KLHDC4: variants seen among roughly 807,000 people sequenced by gnomAD.
KLHDC4 encodes the protein kelch domain containing 4.
A neutral mutation model predicts 62.4 loss-of-function variants in KLHDC4; 90 were observed. The ratio of observed to expected loss-of-function variants is 1.44; its 90% CI spans 1.22 to 1.72. The LOEUF (loss-of-function observed/expected upper bound fraction) is 1.72, where lower values mean the gene tolerates loss of function less well. Among genes scored for constraint, KLHDC4 ranks in the 40% most tolerant of loss-of-function variants. The pLI is 0.00. For missense variants in KLHDC4, 1,025 were observed against 699.7 expected (o/e 1.47, Z -5.25); for synonymous variants, 386 against 284.4 (o/e 1.36, Z -3.59).
At position 87,711,972 on chromosome 16, in the gene KLHDC4, C is replaced by T. The variant is rs534954461; in HGVS notation, c.836-529G>A. Among the ~76,000 whole-genome samples the T allele has an allele frequency of 8.1e-4, 122 of 150,266 alleles. 1 individual carries two copies. Among genetic ancestry groups the T allele is most frequent in the African/African-American group, 2.8e-3 (111 of 40,310 alleles). ...CCCTCCGCCCTGCAAGGGGACCCTT[C>T]GCCCAGGGGGCTGAATGCCTGTGCC... On this transcript the variant is annotated intron_variant, in intron 8 of 11. Transcript: ENST00000270583.
chr16:87,744,241 C>A (rs913517709), intron 5 of KLHDC4, among the ~76,000 whole-genome samples: 1 of 152,030 alleles, frequency 6.6e-6, no homozygotes, highest in East Asian at 1.9e-4. Context: ...CGTGAAGAAA[C>A]CCCATCTCTA....
At chr16:87,718,353 CCTCCCTCTCCCTCCACAGTCTCCCT>C (rs2037482636) in intron 7 of KLHDC4, among the ~76,000 whole-genome samples, 2 of 100,202 alleles carry the variant, frequency 2.0e-5, no homozygotes, top group African/African-American at 7.5e-5. Flanking sequence ...TCCCCCTCCC[CCTCCCTCTCCCTCCACAGTCTCCCT>C]CTCCCTCTCC....
Position 87,711,376 on chromosome 16 carries a change from C to T in KLHDC4, c.903G>A (p.Val301=), listed in dbSNP as rs140023660. The change falls in exon 9 of 12, where the codon GTG becomes GTA. Residue 301 remains valine, a synonymous_variant. Coordinates refer to ENST00000270583, the MANE Select transcript of KLHDC4 (RefSeq NM_017566.4). ...VKPTPRSGFS[V]AMAPNHQTLF... ...GTGTCTGGTGATTCGGGGCCATGGCCACGGAAAAGCCAGACCGTGGGGTGG... is the reference window on the plus strand; with the variant it reads ...GTGTCTGGTGATTCGGGGCCATGGCTACGGAAAAGCCAGACCGTGGGGTGG... 6.2e-7 allele frequency: 1 copy of T among 1,613,834 alleles called. No individual in the cohort carries two copies. Among genetic ancestry groups the T allele is most frequent in the African/African-American group, 1.3e-5 (1 of 75,046 alleles).
At chr16:87,764,142 G>A (rs1243106025) in intron 1 of KLHDC4, among the ~76,000 whole-genome samples, 2 of 152,332 alleles carry the variant, frequency 1.3e-5, no homozygotes, top group African/African-American at 4.8e-5. Flanking sequence ...CTTGTGATTA[G>A]GTTGTATTAC....
chr16:87,751,612 A>T (rs888054709), intron 4 of KLHDC4, among the ~76,000 whole-genome samples: 1 of 152,182 alleles, frequency 6.6e-6, no homozygotes, highest in Admixed American at 6.5e-5. Context: ...TACACCTTAC[A>T]TAATCAGTCC....
chr16:87,748,104 G>C (rs763933501), intron 5 of KLHDC4, among the ~76,000 whole-genome samples: 19 of 152,210 alleles, frequency 1.2e-4, no homozygotes, highest in African/African-American at 2.4e-4. Flanking sequence ...TACACGGAGA[G>C]ACAAACATGT....
intron 6 of KLHDC4, among the ~76,000 whole-genome samples, 178 bp downstream of exon 6, chr16:87,730,374 T>A (rs545721131): frequency 7.0e-4 from 106 of 152,320 alleles, no homozygotes; most frequent in Non-Finnish European, 1.2e-3. Flanking sequence ...ATGAAGCCAG[T>A]GTGAGGCCCG....
At chr16:87,751,882 G>A (rs1283710086) in intron 4 of KLHDC4, among the ~76,000 whole-genome samples, 2 of 148,918 alleles carry the variant, frequency 1.3e-5, no homozygotes, top group South Asian at 2.1e-4. Flanking sequence ...GACCATCCTG[G>A]CTAACATGGT....
intron 4 of KLHDC4, chr16:87,750,866 A>G (rs2043822163): frequency 6.6e-6 from 1 of 152,284 alleles, no homozygotes; most frequent in Admixed American, 6.5e-5. Context: ...CTCAGCACAG[A>G]GGACTTACCT....
intron 2 of KLHDC4, among the ~76,000 whole-genome samples, chr16:87,761,231 G>A (rs2045849342): frequency 1.3e-5 from 2 of 152,168 alleles, no homozygotes; most frequent in Admixed American, 6.6e-5. Context: ...CCACCTCTGG[G>A]CAGGTGATGA....
At chr16:87,711,001 T>G in intron 9 of KLHDC4, 1 of 533,068 alleles carries the variant, frequency 1.9e-6, no homozygotes, top group Non-Finnish European at 3.4e-6. Context: ...CCAGGGCAAC[T>G]GGCTTCTGAG....
intron 7 of KLHDC4, among the ~76,000 whole-genome samples, chr16:87,718,628 G>A (rs1038168260): frequency 2.0e-5 from 3 of 151,936 alleles, no homozygotes; most frequent in African/African-American, 7.3e-5. Context: ...TGAGATTGCA[G>A]CCTCTGCCCG....
chr16:87,736,922 C>A (rs898650279), intron 5 of KLHDC4, among the ~76,000 whole-genome samples: 1 of 151,350 alleles, frequency 6.6e-6, no homozygotes, highest in Non-Finnish European at 1.5e-5. Flanking sequence ...GTCAGGAGTT[C>A]GAGACCAGCC....
At chr16:87,711,624 C>T (rs937949148) in intron 8 of KLHDC4, among the ~76,000 whole-genome samples, 181 bp from the exon 9 acceptor site, 2 of 152,210 alleles carry the variant, frequency 1.3e-5, no homozygotes, top group Non-Finnish European at 2.9e-5. Flanking sequence ...CCCTCGAGTT[C>T]CACCCTTTTC....
intron 6 of KLHDC4, among the ~76,000 whole-genome samples, chr16:87,728,833 G>C (rs1021607738): frequency 6.6e-4 from 100 of 152,226 alleles, no homozygotes; most frequent in African/African-American, 2.3e-3. Flanking sequence ...ACAAAAATTA[G>C]CTGGGCATGC....
rs1257243780 is a variant in KLHDC4, at chr16:87,725,480, C to A, written c.759+1285G>T. Among the ~76,000 whole-genome samples the A allele has an allele frequency of 2.0e-5, 3 of 152,166 alleles. No homozygotes were observed. The South Asian group carries it at 6.2e-4, about 32-fold the overall frequency. ...GCGCCCAGCCTAAGCATAGCAAAATCTTAATAGCAGGATCTAGGAGGAGTA... is the reference window on the plus strand; with the variant it reads ...GCGCCCAGCCTAAGCATAGCAAAATATTAATAGCAGGATCTAGGAGGAGTA... On this transcript the variant is annotated intron_variant, in intron 7 of 11. Coordinates refer to ENST00000270583, the MANE Select transcript of KLHDC4 (RefSeq NM_017566.4).
intron 10 of KLHDC4, 29 bp from the exon 11 acceptor site, chr16:87,708,495 C>G (rs772403007): frequency 6.5e-7 from 1 of 1,546,614 alleles, no homozygotes. Context: ...CGCACATACA[C>G]GTCAGCGCAG....
intron 7 of KLHDC4, among the ~76,000 whole-genome samples, chr16:87,715,281 T>G (rs144466597): frequency 1.3e-5 from 2 of 152,302 alleles, no homozygotes; most frequent in East Asian, 3.9e-4. Context: ...ATACACTATT[T>G]TAGAAGTTTT....
chr16:87,719,733 T>G (rs1194957033), intron 7 of KLHDC4, among the ~76,000 whole-genome samples: 2 of 151,890 alleles, frequency 1.3e-5, no homozygotes, highest in East Asian at 1.9e-4. Context: ...CTGCATGAAT[T>G]TTTGGAGAAG....
Sources: gnomAD v4.1 joint callset for allele counts (sites outside exome capture counted in the v4.1 genomes callset) on GRCh38, gnomAD v4.1.1 for gene constraint, MANE v1.5 for transcripts, NCBI Gene and HGNC (gene_info 2026-07-23, HGNC 2026-07-21) for gene names.